TAMM41: variants seen among roughly 807,000 people sequenced by gnomAD.
TAMM41 encodes the protein TAM41 mitochondrial translocator assembly and maintenance homolog.
A neutral mutation model predicts 44.1 loss-of-function variants in TAMM41; 36 were observed. The observed-to-expected ratio is 0.82, with a 90% CI of 0.63 to 1.08. The LOEUF is 1.08. Ranked by LOEUF, TAMM41 falls within the 50% of genes least tolerant of loss-of-function variation. TAMM41 has a pLI of 0.00. For missense variants in TAMM41, 417 were observed against 404.3 expected (o/e 1.03, Z -0.27); for synonymous variants, 164 against 153.1 (o/e 1.07, Z -0.53).
At chr3:11,807,144 G>C in intron 7 of TAMM41, 1 of 1,234,114 alleles carries the variant, frequency 8.1e-7, no homozygotes, top group Non-Finnish European at 1.0e-6. Context: ...CAGTAAATGG[G>C]GGACCCCCTA....
chr3:11,810,366 T>C (rs537456232), intron 5 of TAMM41, among the ~76,000 whole-genome samples: 6 of 152,216 alleles, frequency 3.9e-5, no homozygotes, highest in Non-Finnish European at 8.8e-5. Context: ...AAGATAAATA[T>C]ATAAATAAAA....
the TAMM41 span, among the ~76,000 whole-genome samples, chr3:11,748,758 C>T: frequency 1.3e-5 from 2 of 152,078 alleles, no homozygotes; most frequent in African/African-American, 4.8e-5. Flanking sequence ...GAGAGCTTTA[C>T]TTTCTGTAGG....
intron 4 of TAMM41, among the ~76,000 whole-genome samples, chr3:11,823,661 T>C (rs1489893539): frequency 1.6e-5 from 1 of 61,106 alleles, no homozygotes; most frequent in East Asian, 3.7e-4. Flanking sequence ...GCCTTTTTAC[T>C]TTTTTTTTTT....
the TAMM41 span, among the ~76,000 whole-genome samples, chr3:11,781,454 G>A: frequency 3.3e-5 from 5 of 152,262 alleles, no homozygotes; most frequent in Non-Finnish European, 5.9e-5. Flanking sequence ...AAGAGACCCG[G>A]TCAGGTGCGG....
intron 3 of TAMM41, among the ~76,000 whole-genome samples, chr3:11,831,222 G>A (rs1459636990): frequency 1.3e-5 from 2 of 152,088 alleles, no homozygotes; most frequent in Admixed American, 1.3e-4. Context: ...GTGTATTATC[G>A]GATGCAACTC....
chr3:11,794,868 C>T (rs1015536502), intron 7 of TAMM41, among the ~76,000 whole-genome samples: 7 of 152,080 alleles, frequency 4.6e-5, no homozygotes, highest in African/African-American at 1.7e-4. Context: ...AATTAGTATC[C>T]CCAAAACATC....
At chr3:11,740,178 A>C in the TAMM41 span, among the ~76,000 whole-genome samples, 2 of 152,154 alleles carry the variant, frequency 1.3e-5, no homozygotes, top group East Asian at 3.8e-4. Context: ...TTATCCCACC[A>C]TTGGACAGAA....
the TAMM41 span, among the ~76,000 whole-genome samples, chr3:11,732,996 TTTTG>T: frequency 9.4e-6 from 1 of 105,972 alleles, no homozygotes; most frequent in African/African-American, 3.1e-5. Flanking sequence ...TGAGTTTTTT[TTTTG>T]TTTGTTTGTT....
At chr3:11,783,336 A>G in the TAMM41 span, among the ~76,000 whole-genome samples, 3 of 113,058 alleles carry the variant, frequency 2.7e-5, no homozygotes, top group African/African-American at 1.4e-4. Context: ...GCTCAACCAT[A>G]AAGCCCAACA....
chr3:11,729,539 A>ATTTTTTTTTTT, the TAMM41 span, among the ~76,000 whole-genome samples: 24 of 32,296 alleles, frequency 7.4e-4, 4 homozygotes, highest in Non-Finnish European at 1.3e-3. Context: ...TCTTTCTTTC[A>ATTTTTTTTTTT]TTTTTTTTTT....
chr3:11,807,148 C>G (rs558932397), intron 7 of TAMM41: 6 of 1,235,528 alleles, frequency 4.9e-6, no homozygotes, highest in Non-Finnish European at 6.1e-6. Flanking sequence ...AAATGGGGGA[C>G]CCCCTAGAGG....
intron 6 of TAMM41, chr3:11,809,271 T>C (rs1308255052): frequency 1.6e-5 from 8 of 499,466 alleles, no homozygotes; most frequent in African/African-American, 4.0e-5. Flanking sequence ...AAAAGAAACA[T>C]TGTTTCTCCC....
chr3:11,731,950 G>A, the TAMM41 span, among the ~76,000 whole-genome samples: 1 of 150,570 alleles, frequency 6.6e-6, no homozygotes, highest in African/African-American at 2.4e-5. Context: ...CACTGCAACC[G>A]CTGCCTCCTG....
At chr3:11,837,114 G>GAGA (rs1448277562) in intron 3 of TAMM41, among the ~76,000 whole-genome samples, 3 of 152,186 alleles carry the variant, frequency 2.0e-5, no homozygotes, top group Admixed American at 2.0e-4. Flanking sequence ...TGCAAAGCAG[G>GAGA]AGAATCCAGA....
chr3:11,829,933 T>G (rs745654526), intron 3 of TAMM41, 69 bp from the exon 4 acceptor site: 48 of 1,471,032 alleles, frequency 3.3e-5, no homozygotes, highest in Non-Finnish European at 4.1e-5. Context: ...GGGTTACAAA[T>G]GCACTGGAAC....
At chr3:11,759,340 C>G in the TAMM41 span, among the ~76,000 whole-genome samples, 2 of 151,930 alleles carry the variant, frequency 1.3e-5, no homozygotes, top group Non-Finnish European at 2.9e-5. Flanking sequence ...TAGCAAGCAT[C>G]TCTCATGTGC....
At chr3:11,748,654 C>T in the TAMM41 span, among the ~76,000 whole-genome samples, 1 of 152,194 alleles carries the variant, frequency 6.6e-6, no homozygotes, top group Non-Finnish European at 1.5e-5. Context: ...GCTGGAATTA[C>T]AGGCGTGAGC....
At chr3:11,785,899 G>A (rs1418931898), downstream of TAMM41, among the ~76,000 whole-genome samples, 3 of 152,172 alleles carry the variant, frequency 2.0e-5, no homozygotes, top group Non-Finnish European at 4.4e-5. Context: ...GATTACAGGT[G>A]TTAGCCACCG....
intron 7 of TAMM41, among the ~76,000 whole-genome samples, chr3:11,792,370 C>T (rs1302711671): frequency 6.6e-6 from 1 of 152,120 alleles, no homozygotes; most frequent in Non-Finnish European, 1.5e-5. Flanking sequence ...TTTCCCTGGG[C>T]CTCAATTTCC....
Sources: gnomAD v4.1 joint callset for allele counts (sites outside exome capture counted in the v4.1 genomes callset) on GRCh38, gnomAD v4.1.1 for gene constraint, MANE v1.5 for transcripts, NCBI Gene and HGNC (gene_info 2026-07-23, HGNC 2026-07-21) for gene names.